YARS1: variants seen among roughly 807,000 people sequenced by gnomAD.
The protein encoded by YARS1 is tyrosyl-tRNA synthetase 1.
A neutral mutation model predicts 62.2 loss-of-function variants in YARS1; 36 were observed. The ratio of observed to expected loss-of-function variants is 0.58; its 90% CI spans 0.44 to 0.76. The LOEUF is 0.76. Among genes scored for constraint, YARS1 ranks in the 30% least tolerant of loss-of-function variants. The pLI, the probability that YARS1 is intolerant of heterozygous loss-of-function variation, is 0.00. For synonymous variants in YARS1, 234 were observed against 244.9 expected (o/e 0.96, Z 0.42); for missense variants, 524 against 639.8 (o/e 0.82, Z 1.95).
rs954549429 is a variant in YARS1 at position 32,780,951 on chromosome 1, G to A, written c.1140+97C>T. Reference sequence around the variant, plus strand: ...ACTCTGACTTGCAATATGACCTCAGGATGTTACTTCCCATCTCCAGGCCAC... The same window carrying A: ...ACTCTGACTTGCAATATGACCTCAGAATGTTACTTCCCATCTCCAGGCCAC... On this transcript the variant is annotated intron_variant, in intron 10 of 12. Coordinates refer to ENST00000373477, the MANE Select transcript of YARS1 (RefSeq NM_003680.4). The A allele has an allele frequency of 2.8e-6, 3 of 1,086,580 alleles. No individual in the cohort carries two copies. In the South Asian group the frequency reaches 3.8e-5, roughly 14 times the overall value. The allele number at this position is 1,086,580 out of a possible 1,614,324, so 67.3% of individuals were successfully genotyped here.
At chr1:32,798,369 AGAG>A (rs1229721048) in intron 4 of YARS1, among the ~76,000 whole-genome samples, 4 of 152,226 alleles carry the variant, frequency 2.6e-5, no homozygotes, top group Non-Finnish European at 4.4e-5. Flanking sequence ...TAAAAAAATA[AGAG>A]TAGTCTCTGC....
At chr1:32,804,635 G>C (rs1428064576) in intron 4 of YARS1, among the ~76,000 whole-genome samples, 1 of 151,018 alleles carries the variant, frequency 6.6e-6, no homozygotes, top group Non-Finnish European at 1.5e-5. Flanking sequence ...ATCCCAGACG[G>C]GGCGGCGGGG....
At chr1:32,800,639 G>C (rs1403865111) in intron 4 of YARS1, among the ~76,000 whole-genome samples, 2 of 151,952 alleles carry the variant, frequency 1.3e-5, no homozygotes, top group Non-Finnish European at 2.9e-5. Flanking sequence ...ACCCAGGCTG[G>C]AGTGCAGTGG....
chr1:32,798,003 T>C (rs1653659744), intron 4 of YARS1, 160 bp from the exon 5 acceptor site: 2 of 652,888 alleles, frequency 3.1e-6, no homozygotes, highest in Admixed American at 4.4e-5. Flanking sequence ...CCCGAGTAGT[T>C]GGGATTACAG....
rs886634398 is a variant in YARS1, at chr1:32,814,413, C to T, written c.57+2775G>A. Among the ~76,000 whole-genome samples, 21 of 151,944 alleles carry T rather than the reference C, an allele frequency of 1.4e-4. 1 individual carries two copies. Among genetic ancestry groups the T allele is most frequent in the African/African-American group, 3.4e-4 (14 of 41,342 alleles). ...CAAGTTCTTTTTTATTTTTTTGAGACGGAGTCTTGCTCTGTCACCCAAGCT... is the reference window on the plus strand; with the variant it reads ...CAAGTTCTTTTTTATTTTTTTGAGATGGAGTCTTGCTCTGTCACCCAAGCT... On this transcript the variant is annotated intron_variant, in intron 1 of 12. Transcript: ENST00000373477.
intron 5 of YARS1, among the ~76,000 whole-genome samples, chr1:32,796,642 C>CATG (rs148946947): frequency 0.097 from 14,682 of 151,712 alleles, 769 homozygotes; most frequent in South Asian, 0.14. Flanking sequence ...GGATTACAGG[C>CATG]ATGAGCCACA....
At position 32,786,461 on chromosome 1, in the gene YARS1, G is replaced by C; in HGVS notation, c.821-14C>G. 1 of 1,610,798 alleles carries C rather than the reference G, an allele frequency of 6.2e-7. No individual in the cohort carries two copies. Among genetic ancestry groups the C allele is most frequent in the Non-Finnish European group, 8.5e-7 (1 of 1,177,770 alleles). On this transcript the variant is annotated splice_polypyrimidine_tract_variant and intron_variant, in intron 7 of 12. Coordinates refer to ENST00000373477, the MANE Select transcript of YARS1 (RefSeq NM_003680.4). The stretch of plus-strand genomic sequence containing the variant: ...GGATCACAAACTCTATAAGGAAAAG[G>C]ATCCATGTCAACAAACTCATTGACA...
At chr1:32,789,590 T>A (rs1268070520) in intron 6 of YARS1, among the ~76,000 whole-genome samples, 1 of 145,180 alleles carries the variant, frequency 6.9e-6, no homozygotes, top group African/African-American at 2.5e-5. Context: ...GGCCAGGCAT[T>A]TTTTTTTTTT....
intron 3 of YARS1, among the ~76,000 whole-genome samples, chr1:32,810,106 C>CA (rs11381151): frequency 0.63 from 76,360 of 121,296 alleles, 22,997 homozygotes; most frequent in East Asian, 0.82. Context: ...AACTCCACCT[C>CA]AAAAAAAAAA....
intron 3 of YARS1, among the ~76,000 whole-genome samples, chr1:32,810,129 T>C (rs1457753255): frequency 1.3e-5 from 2 of 148,622 alleles, no homozygotes; most frequent in Non-Finnish European, 3.0e-5. Flanking sequence ...AAAGAGTAAG[T>C]TAAACATTAG....
intron 5 of YARS1, among the ~76,000 whole-genome samples, chr1:32,795,380 T>C (rs1403215342): frequency 6.6e-6 from 1 of 152,024 alleles, no homozygotes. Context: ...GGAGGAAAAA[T>C]GTAGTAAAAC....
intron 1 of YARS1, 141 bp from the exon 2 acceptor site, chr1:32,811,198 G>T: frequency 1.6e-6 from 2 of 1,235,740 alleles, no homozygotes; most frequent in East Asian, 2.3e-5. Context: ...TGTTCTCAGT[G>T]CAGATGTGAT....
intron 10 of YARS1, 148 bp from the exon 11 acceptor site, chr1:32,780,426 A>G (rs1329801923): frequency 2.3e-6 from 2 of 854,898 alleles, no homozygotes; most frequent in Non-Finnish European, 3.8e-6. Context: ...CACGTCCCAG[A>G]CAGCAGACAG....
chr1:32,796,935 A>G (rs1398136926), intron 5 of YARS1, among the ~76,000 whole-genome samples: 2 of 121,346 alleles, frequency 1.6e-5, no homozygotes, highest in Non-Finnish European at 3.3e-5. Flanking sequence ...ATTGCACTCC[A>G]GCCTGGGTGA....
Position 32,776,467 on chromosome 1 carries a change from A to G in YARS1, c.1477-376T>C, listed in dbSNP as rs529504134. Among the ~76,000 whole-genome samples, 138 of 152,240 alleles carry G rather than the reference A, an allele frequency of 9.1e-4. No homozygotes were observed. The highest frequency in any genetic ancestry group is 3.2e-3 in the African/African-American group (135 of 41,550). On this transcript the variant is annotated intron_variant, in intron 12 of 12. Coordinates refer to ENST00000373477, the MANE Select transcript of YARS1 (RefSeq NM_003680.4). This position sits in a 1 kb window ranked among gnomAD's most constrained non-coding sequence, Gnocchi z 4.0. ...CAGCCTGAAAACTCTCTTATATACC[A>G]GTAGGGTAAGGTAAGCTGGCTCAGC... is the stretch of plus-strand genomic sequence containing the variant.
At position 32,805,266 on chromosome 1, in the gene YARS1, AGAGG is replaced by A. The variant is rs1638433185; in HGVS notation, c.510+1212_510+1215del. ...GAGAGGGGGAGAGGGGGAGAGGGGG[AGAGG>A]GAGAGAGGGAGAGAGGGAGAGAGGG... On this transcript the variant is annotated intron_variant, in intron 4 of 12. Coordinates refer to ENST00000373477, the MANE Select transcript of YARS1 (RefSeq NM_003680.4). 3.1e-5 allele frequency among the ~76,000 whole-genome samples: 4 copies of A among 128,860 alleles called. No homozygotes were observed. The East Asian group carries it at 6.7e-4, about 22-fold the overall frequency. 84.5% of individuals were successfully genotyped at this position (128,860 alleles called of 152,430 possible).
At chr1:32,803,416 G>A (rs1455628837) in intron 4 of YARS1, among the ~76,000 whole-genome samples, 1 of 150,832 alleles carries the variant, frequency 6.6e-6, no homozygotes, top group Non-Finnish European at 1.5e-5. Context: ...ACAGGCATGA[G>A]CCACCATGCC....
Position 32,780,260 on chromosome 1 carries a change from G to T in YARS1, c.1159C>A (p.Leu387Met). Reference protein sequence around the residue: ...TVEKHPDADSLYVEKIDVGEA... With the variant: ...TVEKHPDADSMYVEKIDVGEA... ...CCCACGTCAATCTTCTCTACATACA[G>T]GCTGTCTGCATCTGGGTGCTGCCAG... is the stretch of plus-strand genomic sequence containing the variant. Residue 387 changes from leucine to methionine, a missense_variant, in exon 11 of 13, where the codon CTG becomes ATG. By Grantham distance (15) the Leu-to-Met change is conservative (BLOSUM62 2). Coordinates refer to ENST00000373477, the MANE Select transcript of YARS1 (RefSeq NM_003680.4). 6.2e-7 allele frequency: 1 copy of T among 1,614,148 alleles called. No individual in the cohort carries two copies.
At chr1:32,795,792 C>T (rs916569086) in intron 5 of YARS1, among the ~76,000 whole-genome samples, 9 of 144,974 alleles carry the variant, frequency 6.2e-5, no homozygotes, top group African/African-American at 1.0e-4. Flanking sequence ...GGTGACAAAG[C>T]GAGACTCCCT....
Sources: allele counts gnomAD v4.1 joint callset (sites outside exome capture counted in the v4.1 genomes callset), GRCh38; gene constraint gnomAD v4.1.1; non-coding constraint Gnocchi (gnomAD v3.1); transcripts MANE v1.5; gene names NCBI Gene and HGNC (gene_info 2026-07-23, HGNC 2026-07-21).